The following FGD5 variants were observed in gnomAD, a reference collection of about 807,000 sequenced individuals.
FGD5 encodes FYVE, RhoGEF and PH domain containing 5.
Under a neutral mutation model 133.4 loss-of-function variants are expected in FGD5, and 28 were observed. That is an observed-to-expected ratio of 0.21 (90% CI 0.16 to 0.29). The LOEUF (loss-of-function observed/expected upper bound fraction) is 0.29, where lower values mean the gene tolerates loss of function less well. Among genes scored for constraint, FGD5 ranks in the 10% least tolerant of loss-of-function variants. FGD5 has a pLI of 1.00. For synonymous variants in FGD5, 810 were observed against 776.5 expected (o/e 1.04, Z -0.72); for missense variants, 1,858 against 1,895.2 (o/e 0.98, Z 0.36).
At chr3:14,858,122 C>T (rs1023718093) in intron 1 of FGD5, among the ~76,000 whole-genome samples, 1 of 152,190 alleles carries the variant, frequency 6.6e-6, no homozygotes, top group Non-Finnish European at 1.5e-5. Flanking sequence ...ACTCTGTACT[C>T]TCTCTGGGCT....
intron 17 of FGD5, among the ~76,000 whole-genome samples, chr3:14,925,776 A>T (rs957396913): frequency 3.9e-5 from 6 of 152,216 alleles, no homozygotes; most frequent in Non-Finnish European, 8.8e-5. Context: ...TACCTGAACG[A>T]AGTTTCTTGA....
Position 14,820,999 on chromosome 3 carries a change from C to T in FGD5, c.1928C>T (p.Pro643Leu), listed in dbSNP as rs370762215. 2.9e-5 allele frequency: 46 copies of T among 1,613,738 alleles called. No homozygotes were observed. Among genetic ancestry groups the T allele is most frequent in the Middle Eastern group, 1.6e-4 (1 of 6,084 alleles). ...SPSLLIESDS[P>L]DKYKKKKSSF... ...TCACTCCTGATCGAGAGCGACTCCC[C>T]GGACAAGTACAAGAAGAAGAAGTCA... Residue 643 changes from proline to leucine, a missense_variant, in exon 1 of 20, where the codon CCG becomes CTG. Physicochemically the swap from Pro to Leu is moderately conservative, Grantham distance 98. Around this residue, in one of 3 missense-constraint regions of FGD5, gnomAD observed 1,824 missense variants for 1,848.9 expected, o/e 0.99. Coordinates refer to ENST00000285046, the MANE Select transcript of FGD5 (RefSeq NM_152536.4).
rs1446038227 is a variant in FGD5, at chr3:14,820,083, T to G, written c.1012T>G (p.Phe338Val). 1.9e-6 allele frequency: 3 copies of G among 1,614,064 alleles called. No homozygotes were observed. In the South Asian group the frequency reaches 3.3e-5, roughly 18 times the overall value. Reference protein sequence around the residue: ...VPFENDCMEDFVTSLTGSPYE... With the variant: ...VPFENDCMEDVVTSLTGSPYE... ...TTTTGAGAATGACTGCATGGAGGAC[T>G]TCGTGACTTCCCTCACAGGAAGCCC... The change falls in exon 1 of 20, where the codon TTC becomes GTC. Residue 338 changes from phenylalanine to valine, a missense_variant. Phe to Val is a conservative substitution (Grantham distance 50). This residue lies in a region of FGD5 where 1,824 missense variants were observed against 1,848.9 expected (regional missense o/e 0.99). Coordinates refer to ENST00000285046, the MANE Select transcript of FGD5 (RefSeq NM_152536.4).
chr3:14,847,849 A>G (rs542970633), intron 1 of FGD5, among the ~76,000 whole-genome samples: 35 of 152,270 alleles, frequency 2.3e-4, no homozygotes, highest in African/African-American at 7.7e-4. Flanking sequence ...TTGGCTGTAG[A>G]CTTGCTGTGT....
intron 1 of FGD5, 26 bp from the exon 2 acceptor site, chr3:14,864,102 C>G (rs1559484688): frequency 6.2e-7 from 1 of 1,604,886 alleles, no homozygotes. Flanking sequence ...AAAGCTTTAA[C>G]CCTTCTTTCC....
chr3:14,851,646 A>G (rs995526146), intron 1 of FGD5, among the ~76,000 whole-genome samples: 2 of 152,116 alleles, frequency 1.3e-5, no homozygotes, highest in Non-Finnish European at 2.9e-5. Flanking sequence ...CGGCTTACAT[A>G]TTGTTCTTGA....
At chr3:14,831,093 G>A (rs2036698389) in intron 1 of FGD5, among the ~76,000 whole-genome samples, 1 of 152,148 alleles carries the variant, frequency 6.6e-6, no homozygotes, top group Admixed American at 6.5e-5. Context: ...CAAGGGGAAG[G>A]GCATCCGAGG....
chr3:14,863,220 G>C (rs17040409), intron 1 of FGD5, among the ~76,000 whole-genome samples: 86,653 of 152,096 alleles, frequency 0.57, 25,127 homozygotes, highest in African/African-American at 0.64. Context: ...TAGGAAGAAA[G>C]GTTTGTGAGT....
At chr3:14,910,243 C>T (rs189964257) in intron 10 of FGD5, among the ~76,000 whole-genome samples, 2 of 152,330 alleles carry the variant, frequency 1.3e-5, no homozygotes, top group South Asian at 2.1e-4. Flanking sequence ...GTTCCTCAAT[C>T]CAGTCAAGTT....
At chr3:14,876,548 A>T (rs112517898) in intron 2 of FGD5, among the ~76,000 whole-genome samples, 5 of 152,146 alleles carry the variant, frequency 3.3e-5, no homozygotes, top group Admixed American at 1.3e-4. Flanking sequence ...AAATAAATAA[A>T]CCACCCTGTT....
At chr3:14,812,375 C>T (rs1362876721) in intron 1 of FGD5, among the ~76,000 whole-genome samples, 1 of 152,202 alleles carries the variant, frequency 6.6e-6, no homozygotes, top group East Asian at 1.9e-4. Context: ...TCCTACACTC[C>T]TAATAAAACT....
intron 4 of FGD5, among the ~76,000 whole-genome samples, chr3:14,887,920 A>G (rs1051690097): frequency 2.0e-5 from 3 of 152,040 alleles, no homozygotes; most frequent in African/African-American, 7.2e-5. Context: ...AGTCCCAACA[A>G]TTTGGGAGAC....
intron 1 of FGD5, among the ~76,000 whole-genome samples, chr3:14,827,311 C>T (rs1424722081): frequency 5.4e-5 from 7 of 129,058 alleles, no homozygotes; most frequent in East Asian, 4.6e-4. Flanking sequence ...TTTTTTGAGA[C>T]GGAGTCTCGC....
chr3:14,917,956 C>T lies in FGD5; in HGVS notation c.3489+624C>T, dbSNP rs548934403. 1.3e-4 allele frequency among the ~76,000 whole-genome samples: 20 copies of T among 152,354 alleles called. No homozygotes were observed. The highest frequency in any genetic ancestry group is 4.1e-4 in the African/African-American group (17 of 41,576). On this transcript the variant is annotated intron_variant, in intron 12 of 19. Transcript: ENST00000285046. The surrounding 1 kb of genome is among the most constrained non-coding windows in gnomAD (Gnocchi z 4.1). ...CTTGTTTCACTTAGCACAGTGTCCT[C>T]AAGGTTGATCCCTGTCATCTGTAGT... is the stretch of plus-strand genomic sequence containing the variant.
At chr3:14,921,614 C>T (rs538232037) in intron 13 of FGD5, among the ~76,000 whole-genome samples, 23 of 152,206 alleles carry the variant, frequency 1.5e-4, no homozygotes, top group Non-Finnish European at 2.8e-4. Flanking sequence ...ATGTCTCTTG[C>T]TTTTGCACAA....
rs771810489 is a variant in FGD5, at chr3:14,924,113, A to G, written c.4043A>G (p.Lys1348Arg). The G allele has an allele frequency of 3.1e-6, 5 of 1,613,870 alleles. No individual in the cohort carries two copies. The East Asian group carries it at 1.1e-4, about 36-fold the overall frequency. Reference protein sequence around the residue: ...SINPSTFKKQKKVPSALTEVA... With the variant: ...SINPSTFKKQRKVPSALTEVA... ...AACCCCTCGACCTTCAAGAAGCAGA[A>G]GAAAGTCCCTTCAGCCCTGACAGAG... Residue 1348 changes from lysine (K) to arginine (R), a missense_variant, in exon 17 of 20, where the codon AAG (lysine) becomes AGG (arginine). Physicochemically the swap from Lys to Arg is conservative, Grantham distance 26. This residue lies in a region of FGD5 where 1,824 missense variants were observed against 1,848.9 expected (regional missense o/e 0.99). Transcript: ENST00000285046.
In FGD5 at chr3:14,880,948, G is replaced by A. The variant is rs2037813700; in HGVS notation, c.2748+176G>A. ...CGTCTCCTGATTAATGTGCTTCCGG[G>A]GGCAGACAGCGGATGCGTCTCCTTG... On this transcript the variant is annotated intron_variant, in intron 4 of 19. Transcript: ENST00000285046. 2.6e-5 allele frequency among the ~76,000 whole-genome samples: 4 copies of A among 152,318 alleles called. No individual in the cohort carries two copies. In the South Asian group the frequency reaches 8.3e-4, roughly 32 times the overall value.
rs1474316179 is a variant in FGD5 at position 14,844,218 on chromosome 3, ATATATATATATATATATAT to A, written c.2526-19909_2526-19891del. 5.6e-3 allele frequency among the ~76,000 whole-genome samples: 121 copies of A among 21,680 alleles called. 9 individuals are homozygous for A. Among genetic ancestry groups the A allele is most frequent in the South Asian group, 0.047 (21 of 450 alleles). The allele number at this position is 21,680 out of a possible 152,430, so 14.2% of individuals were successfully genotyped here. The stretch of plus-strand genomic sequence containing the variant: ...TTAATAGGCATTAAAAAAAAAAAAA[ATATATATATATATATATAT>A]ATATATATATATATATATATATATA... On this transcript the variant is annotated intron_variant, in intron 1 of 19. Transcript: ENST00000285046.
chr3:14,923,883 C>T, intron 16 of FGD5, 125 bp from the exon 17 acceptor site: 1 of 1,228,658 alleles, frequency 8.1e-7, no homozygotes, highest in Non-Finnish European at 1.1e-6. Flanking sequence ...GAGTGCTTGA[C>T]TTTCAGGTCC....
Sources: allele counts gnomAD v4.1 joint callset (sites outside exome capture counted in the v4.1 genomes callset), GRCh38; gene constraint gnomAD v4.1.1; regional missense constraint gnomAD v4.1.1; non-coding constraint Gnocchi (gnomAD v3.1); transcripts MANE v1.5; gene names NCBI Gene and HGNC (gene_info 2026-07-23, HGNC 2026-07-21).